The following NCOA6 variants were observed in gnomAD, a reference collection of about 807,000 sequenced individuals.
NCOA6 encodes the protein nuclear receptor coactivator 6, also known as NRC RAP250.
A neutral mutation model predicts 171.4 loss-of-function variants in NCOA6; 49 were observed. The observed-to-expected ratio is 0.29, with a 90% confidence interval of 0.23 to 0.36. NCOA6 has a LOEUF of 0.36. Among genes scored for constraint, NCOA6 ranks in the 10% least tolerant of loss-of-function variants. NCOA6 has a pLI of 1.00. For missense variants in NCOA6, 2,248 were observed against 2,554.5 expected (o/e 0.88, Z 2.59); for synonymous variants, 910 against 927.5 (o/e 0.98, Z 0.34).
chr20:34,779,352 A>C (rs1028662668), intron 3 of NCOA6, among the ~76,000 whole-genome samples: 1 of 152,000 alleles, frequency 6.6e-6, no homozygotes, highest in Non-Finnish European at 1.5e-5. Flanking sequence ...CTCTACAAAA[A>C]ATAAACAGAA....
chr20:34,814,803 G>A (rs900768527), intron 1 of NCOA6, among the ~76,000 whole-genome samples: 1 of 152,164 alleles, frequency 6.6e-6, no homozygotes, highest in Admixed American at 6.6e-5. Context: ...TGTTGGCCAG[G>A]CTGGTCACGA....
In NCOA6 at chr20:34,782,294, A is replaced by G. The variant is rs1703955610; in HGVS notation, c.62T>C (p.Met21Thr). The G allele has an allele frequency of 1.9e-6, 3 of 1,612,924 alleles. No individual in the cohort carries two copies. The highest frequency in any genetic ancestry group is 2.5e-6 in the Non-Finnish European group (3 of 1,179,584). Reference sequence around the variant, plus strand: ...GTCAAAATCCATCTCTGAGTCTTCCATTGTTGATGAACACAAGGAAGTATA... The same window carrying G: ...GTCAAAATCCATCTCTGAGTCTTCCGTTGTTGATGAACACAAGGAAGTATA... ...DIYTSLCSST[M>T]EDSEMDFDSG... The change falls in exon 3 of 15, where the codon ATG (methionine) becomes ACG (threonine). Residue 21 changes from methionine to threonine, a missense_variant. Physicochemically the swap from Met to Thr is moderately conservative, Grantham distance 81 (BLOSUM62 -1). Transcript: ENST00000359003.
chr20:34,791,486 G>C (rs902761643), intron 2 of NCOA6, among the ~76,000 whole-genome samples: 3 of 152,006 alleles, frequency 2.0e-5, no homozygotes, highest in Non-Finnish European at 4.4e-5. Flanking sequence ...TTTCCTCCTA[G>C]GATCTGGGAG....
At chr20:34,796,704 T>A (rs996961160) in intron 1 of NCOA6, among the ~76,000 whole-genome samples, 1 of 151,814 alleles carries the variant, frequency 6.6e-6, no homozygotes, top group Non-Finnish European at 1.5e-5. Flanking sequence ...GGAGACTGAA[T>A]TGGGAGGATC....
At chr20:34,817,482 T>C (rs1351317831) in intron 1 of NCOA6, among the ~76,000 whole-genome samples, 6 of 152,236 alleles carry the variant, frequency 3.9e-5, no homozygotes, top group Non-Finnish European at 7.4e-5. Flanking sequence ...ATAAAGCATA[T>C]GACCAACTCT....
rs1225522868 is a variant in NCOA6 at position 34,782,240 on chromosome 20, C to T, written c.116G>A (p.Ser39Asn). ...TGTGGAATCCTCCAAAATACTATCA[C>T]TTTTTGTGTCATCATCTTCTAGTCC... is the stretch of plus-strand genomic sequence containing the variant. ...DSGLEDDDTK[S>N]DSILEDSTIF... is the part of the protein sequence containing the mutation. Residue 39 changes from serine to asparagine, a missense_variant, in exon 3 of 15, where the codon AGT (serine) becomes AAT (asparagine). Ser to Asn is a conservative substitution (Grantham distance 46). Transcript: ENST00000359003. 5.6e-6 allele frequency: 9 copies of T among 1,612,528 alleles called. No homozygotes were observed. The Admixed American group carries it at 8.3e-5, about 15-fold the overall frequency.
chr20:34,778,590 G>A (rs1401700521), intron 3 of NCOA6, among the ~76,000 whole-genome samples: 1 of 151,610 alleles, frequency 6.6e-6, no homozygotes, highest in Non-Finnish European at 1.5e-5. Context: ...ACCATGCCCG[G>A]CTAATTTTTG....
At chr20:34,811,064 G>A (rs2146615938) in intron 1 of NCOA6, among the ~76,000 whole-genome samples, 1 of 151,022 alleles carries the variant, frequency 6.6e-6, no homozygotes, top group South Asian at 2.1e-4. Context: ...TTATGATTTA[G>A]GGCAAGACAT....
chr20:34,785,823 T>C (rs112958216), intron 2 of NCOA6, among the ~76,000 whole-genome samples: 9 of 150,908 alleles, frequency 6.0e-5, no homozygotes, highest in African/African-American at 2.0e-4. Context: ...AATCTTCTAC[T>C]GGCAGATACA....
intron 1 of NCOA6, among the ~76,000 whole-genome samples, chr20:34,803,435 C>A (rs1459433323): frequency 6.6e-6 from 1 of 150,582 alleles, no homozygotes; most frequent in Non-Finnish European, 1.5e-5. Flanking sequence ...CCACTGTACT[C>A]CAGCCTGGGT....
At chr20:34,746,754 G>C in intron 10 of NCOA6, 53 bp downstream of exon 10, 3 of 1,500,584 alleles carry the variant, frequency 2.0e-6, no homozygotes. Context: ...TGGAAGCCTT[G>C]TAATGCCACA....
At chr20:34,748,766 C>G (rs750915345) in intron 9 of NCOA6, among the ~76,000 whole-genome samples, 1 of 152,116 alleles carries the variant, frequency 6.6e-6, no homozygotes, top group Non-Finnish European at 1.5e-5. Context: ...GGGTTTTAAG[C>G]TTCTAGGGAT....
rs1568915711 is a variant in NCOA6 at position 34,825,576 on chromosome 20, G to A, written c.-268C>T. 2 of 148,292 alleles carry A rather than the reference G, an allele frequency of 1.3e-5. No homozygotes were observed. The highest frequency in any genetic ancestry group is 2.1e-4 in the South Asian group (1 of 4,708). The allele number at this position is 148,292 out of a possible 1,614,324, so 9.2% of individuals were successfully genotyped here. On this transcript the variant is annotated 5_prime_UTR_variant, in exon 1 of 15. It adds an upstream start codon to the 5' untranslated region. Transcript: ENST00000359003. ...CGTCCGTCAGTCCTCGCGTGCGCCC[G>A]TCTGTCCCGCCGCCCGCGCCCGGCC... is the stretch of plus-strand genomic sequence containing the variant.
chr20:34,817,207 ATC>A lies in NCOA6; in HGVS notation c.-164+8263_-164+8264del, dbSNP rs2078869415. Among the ~76,000 whole-genome samples the A allele has an allele frequency of 6.9e-5, 9 of 130,516 alleles. 1 individual carries two copies. The highest frequency in any genetic ancestry group is 2.5e-4 in the South Asian group (1 of 4,022). 85.6% of individuals were successfully genotyped at this position (130,516 alleles called of 152,430 possible). On this transcript the variant is annotated intron_variant, in intron 1 of 14. Coordinates refer to ENST00000359003, the MANE Select transcript of NCOA6 (RefSeq NM_014071.5). ...GGAACTGATATTCAACAGATTCAAT[ATC>A]AGTAAAGGAGCTGATTAATGGGAAC...
chr20:34,741,764 A>T lies in NCOA6; in HGVS notation c.4492T>A (p.Ser1498Thr). The T allele has an allele frequency of 6.2e-7, 1 of 1,614,192 alleles. No individual in the cohort carries two copies. The highest frequency in any genetic ancestry group is 8.5e-7 in the Non-Finnish European group (1 of 1,180,038). The change falls in exon 11 of 15, where the codon TCT becomes ACT. Residue 1498 changes from serine to threonine, a missense_variant. This residue lies in a region of NCOA6 where 884 missense variants were observed against 941.9 expected (regional missense o/e 0.94). Coordinates refer to ENST00000359003, the MANE Select transcript of NCOA6 (RefSeq NM_014071.5). ...TTAATTGTCACATTGGGAGCTCCAG[A>T]GTTGTCAAGAAGTTGACTTAACGAT... Reference protein sequence around the residue: ...PTSLSQLLDNSGAPNVTIKPP... With the variant: ...PTSLSQLLDNTGAPNVTIKPP...
chr20:34,749,610 T>C lies in NCOA6; in HGVS notation c.2585A>G (p.Asn862Ser), dbSNP rs957839044. 5.0e-6 allele frequency: 8 copies of C among 1,614,086 alleles called. No homozygotes were observed. Among genetic ancestry groups the C allele is most frequent in the South Asian group, 1.1e-5 (1 of 91,090 alleles). The change falls in exon 9 of 15, where the codon AAT (asparagine) becomes AGT (serine). Residue 862 changes from asparagine (N) to serine (S), a missense_variant. This residue lies in a region of NCOA6 where 987 missense variants were observed against 1,104.7 expected (regional missense o/e 0.89). Transcript: ENST00000359003. ...TTGACCACAGGACATCTGATTTCCA[T>C]TGGGAGCTCCACTGAAAGGTGCATT... ...SFNAPFSGAP[N>S]GNQMSCGQNP... is the part of the protein sequence containing the mutation.
At chr20:34,786,877 A>C (rs1438158643) in intron 2 of NCOA6, among the ~76,000 whole-genome samples, 1 of 152,204 alleles carries the variant, frequency 6.6e-6, no homozygotes, top group Non-Finnish European at 1.5e-5. Context: ...AAACTTCAGA[A>C]GAAAATCTAG....
At chr20:34,773,354 T>C (rs2077208801) in intron 4 of NCOA6, among the ~76,000 whole-genome samples, 2 of 152,256 alleles carry the variant, frequency 1.3e-5, no homozygotes, top group South Asian at 2.1e-4. Flanking sequence ...AAAGGAAGGG[T>C]ACAGGAAGTA....
intron 4 of NCOA6, among the ~76,000 whole-genome samples, 196 bp downstream of exon 4, chr20:34,776,097 C>T (rs1363135121): frequency 6.6e-6 from 1 of 152,230 alleles, no homozygotes; most frequent in Non-Finnish European, 1.5e-5. Flanking sequence ...ATGCTAAAGA[C>T]CATCAGGACC....
Sources: gnomAD v4.1 joint callset for allele counts (sites outside exome capture counted in the v4.1 genomes callset) on GRCh38, gnomAD v4.1.1 for gene constraint, gnomAD v4.1.1 regional missense constraint, MANE v1.5 for transcripts, NCBI Gene and HGNC (gene_info 2026-07-23, HGNC 2026-07-21) for gene names.